Variants in RPL26 observed in about 807,000 individuals in gnomAD.
RPL26 encodes the protein large ribosomal subunit protein uL24.
RPL26 carries 1 observed loss-of-function variant against 16.2 expected under a neutral mutation model. The observed-to-expected ratio is 0.06, with a 90% CI of 0.02 to 0.29. RPL26 has a LOEUF of 0.29. RPL26 is among the 10% of genes least tolerant of loss of function. RPL26 has a pLI of 1.00. For synonymous variants in RPL26, 55 were observed against 62.4 expected, an observed-to-expected ratio of 0.88 and a Z score of 0.56; for missense variants, 102 against 184.3, an observed-to-expected ratio of 0.55 and a Z score of 2.58.
chr17:8,381,973 A>C (rs1233546777), intron 2 of RPL26, 170 bp downstream of exon 2: 1 of 597,262 alleles, frequency 1.7e-6, no homozygotes, highest in Non-Finnish European at 2.9e-6. Context: ...TAATACAATT[A>C]AAAACTGAAA....
At chr17:8,382,832 T>C (rs912505106) in intron 1 of RPL26, 1 of 388,894 alleles carries the variant, frequency 2.6e-6, no homozygotes, top group Non-Finnish European at 4.5e-6. Context: ...AGTGGGCAAG[T>C]GTGGTCTGGA....
In RPL26 at chr17:8,383,167, T is replaced by C. The variant is rs1907514941; in HGVS notation, c.-16A>G. On this transcript the variant is annotated 5_prime_UTR_variant, in exon 1 of 4. Coordinates refer to ENST00000648839, the MANE Select transcript of RPL26 (RefSeq NM_000987.5). ...CCGCCGAATCCTTACCCGCTCCCGC[T>C]TCGGTGATGGCCGCAAAAGGGAAGA... 3 of 398,666 alleles carry C rather than the reference T, an allele frequency of 7.5e-6. No homozygotes were observed. The highest frequency in any genetic ancestry group is 8.8e-6 in the Non-Finnish European group (2 of 226,100). 24.7% of individuals were successfully genotyped at this position (398,666 alleles called of 1,614,324 possible). A position where few individuals can be genotyped will look rare whatever the true frequency, so the allele number is the denominator to read the frequency against.
chr17:8,381,555 A>C (rs1907409675), intron 2 of RPL26, among the ~76,000 whole-genome samples: 1 of 152,146 alleles, frequency 6.6e-6, no homozygotes, highest in Non-Finnish European at 1.5e-5. Flanking sequence ...AGAAACAAAA[A>C]AAAGGTCCTA....
At chr17:8,378,021 A>G (rs891961288) in intron 3 of RPL26, among the ~76,000 whole-genome samples, 1 of 152,206 alleles carries the variant, frequency 6.6e-6, no homozygotes, top group Admixed American at 6.5e-5. Flanking sequence ...TGTCATATAC[A>G]AATATATTTG....
At chr17:8,378,036 C>T (rs147511521) in intron 3 of RPL26, among the ~76,000 whole-genome samples, 26 of 152,252 alleles carry the variant, frequency 1.7e-4, no homozygotes, top group African/African-American at 5.5e-4. Flanking sequence ...TATTTGTTTC[C>T]AAAGTAACTT....
In RPL26 at chr17:8,382,315, G is replaced by A; in HGVS notation, c.-5C>T. ...CACAAAGGGATTAAACTTCATTTTGGCTAAATAAAAAGTTAAAAAGACTCT... is the reference window on the plus strand; with the variant it reads ...CACAAAGGGATTAAACTTCATTTTGACTAAATAAAAAGTTAAAAAGACTCT... On this transcript the variant is annotated splice_region_variant and 5_prime_UTR_variant, in exon 2 of 4. Coordinates refer to ENST00000648839, the MANE Select transcript of RPL26 (RefSeq NM_000987.5). 6.2e-7 allele frequency: 1 copy of A among 1,605,656 alleles called. No homozygotes were observed. The highest frequency in any genetic ancestry group is 2.2e-5 in the East Asian group (1 of 44,714).
At chr17:8,382,415 T>C (rs973362085) in intron 1 of RPL26, 100 bp from the exon 2 acceptor site, 43 of 843,694 alleles carry the variant, frequency 5.1e-5, no homozygotes, top group Non-Finnish European at 7.8e-5. Flanking sequence ...AGAATGATCA[T>C]AGGCAGTGTC....
intron 2 of RPL26, chr17:8,381,139 A>C (rs1907390191): frequency 1.3e-5 from 2 of 152,120 alleles, no homozygotes; most frequent in Admixed American, 6.6e-5. Flanking sequence ...CAGAGCAAGA[A>C]GACAGCTTCA....
At chr17:8,378,967 G>A (rs924396428) in intron 3 of RPL26, among the ~76,000 whole-genome samples, 15 of 152,162 alleles carry the variant, frequency 9.9e-5, no homozygotes, top group Non-Finnish European at 1.5e-4. Context: ...TCAAAGGCAG[G>A]AGATTATCAA....
At chr17:8,382,663 G>C (rs931286893) in intron 1 of RPL26, 5 of 291,038 alleles carry the variant, frequency 1.7e-5, no homozygotes, top group African/African-American at 1.1e-4. Context: ...GACCGACAAC[G>C]CAATTCTCTT....
At chr17:8,377,809 A>C in intron 3 of RPL26, 117 bp from the exon 4 acceptor site, 1 of 882,556 alleles carries the variant, frequency 1.1e-6, no homozygotes, top group East Asian at 2.8e-5. Context: ...CCTAATAAGA[A>C]AAGATTTTAA....
intron 1 of RPL26, 73 bp downstream of exon 1, chr17:8,383,084 C>T (rs1907505549): frequency 2.5e-6 from 1 of 398,544 alleles, no homozygotes; most frequent in South Asian, 1.3e-4. Flanking sequence ...TCTCGGGGTC[C>T]CCGCGGTCGG....
intron 3 of RPL26, chr17:8,379,517 T>C (rs375237877): frequency 1.9e-6 from 1 of 526,578 alleles, no homozygotes; most frequent in South Asian, 2.9e-5. Flanking sequence ...GAGGCTGCAG[T>C]GAGCCGAGAT....
intron 2 of RPL26, 134 bp from the exon 3 acceptor site, chr17:8,380,070 C>T: frequency 3.0e-6 from 2 of 668,790 alleles, no homozygotes; most frequent in Non-Finnish European, 2.5e-6. Flanking sequence ...ACTTCGGCAA[C>T]CTGTAAGAAG....
At chr17:8,378,135 A>T (rs1202813613) in intron 3 of RPL26, among the ~76,000 whole-genome samples, 1 of 152,208 alleles carries the variant, frequency 6.6e-6, no homozygotes, top group Non-Finnish European at 1.5e-5. Context: ...GTTTGAGACC[A>T]GTCTGGCCAA....
chr17:8,382,298 G>C lies in RPL26; in HGVS notation c.13C>G (p.Pro5Ala). The stretch of plus-strand genomic sequence containing the variant: ...TTGCTTCGGTCGGAAGTCACAAAGG[G>C]ATTAAACTTCATTTTGGCTAAATAA... MKFN[P>A]FVTSDRSKNR... The change falls in exon 2 of 4, where the codon CCC (proline) becomes GCC (alanine). Residue 5 changes from proline to alanine, a missense_variant. Coordinates refer to ENST00000648839, the MANE Select transcript of RPL26 (RefSeq NM_000987.5). 1 of 1,609,546 alleles carries C rather than the reference G, an allele frequency of 6.2e-7. No homozygotes were observed. Among genetic ancestry groups the C allele is most frequent in the Non-Finnish European group, 8.5e-7 (1 of 1,177,204 alleles).
intron 1 of RPL26, 43 bp from the exon 2 acceptor site, chr17:8,382,358 A>C: frequency 9.6e-4 from 1,315 of 1,372,616 alleles, no homozygotes; most frequent in Non-Finnish European, 1.2e-3. Context: ...CCAAAATCTC[A>C]TCCAGCTTCC....
intron 2 of RPL26, chr17:8,380,999 A>C (rs575254809): frequency 1.3e-5 from 2 of 151,234 alleles, no homozygotes; most frequent in South Asian, 2.1e-4. Context: ...GCTCCTAGGG[A>C]TAACACACTG....
intron 1 of RPL26, chr17:8,382,639 A>T (rs1297549829): frequency 5.9e-6 from 2 of 341,800 alleles, no homozygotes; most frequent in Non-Finnish European, 5.3e-6. Context: ...CTGGACTTAC[A>T]TCTCTGCTGA....
Sources: gnomAD v4.1 joint callset for allele counts (sites outside exome capture counted in the v4.1 genomes callset) on GRCh38, gnomAD v4.1.1 for gene constraint, MANE v1.5 for transcripts, NCBI Gene and HGNC (gene_info 2026-07-23, HGNC 2026-07-21) for gene names.